ETAA1: variants seen among roughly 807,000 people sequenced by gnomAD.
ETAA1 encodes ETAA1 activator of ATR kinase.
ETAA1 carries 49 observed loss-of-function variants against 76.8 expected under a neutral mutation model. The ratio of observed to expected loss-of-function variants is 0.64; its 90% CI spans 0.51 to 0.81. The LOEUF (loss-of-function observed/expected upper bound fraction) is 0.81. ETAA1 is among the 30% of genes least tolerant of loss of function. ETAA1 has a pLI of 0.00. For missense variants in ETAA1, 1,099 were observed against 1,074.0 expected (o/e 1.02, Z -0.32); for synonymous variants, 373 against 372.2 (o/e 1.00, Z -0.03).
Position 67,397,679 on chromosome 2 carries a change from G to A in ETAA1, c.223+8G>A. The A allele has an allele frequency of 6.5e-7, 1 of 1,545,444 alleles. No homozygotes were observed. On this transcript the variant is annotated splice_region_variant and intron_variant, in intron 1 of 5. Transcript: ENST00000272342. ...GTAAAAGTAACCCCGAGGGTGAGACGTCGGCAGCGCGGCCTGCCTTGGCTT... is the reference window on the plus strand; with the variant it reads ...GTAAAAGTAACCCCGAGGGTGAGACATCGGCAGCGCGGCCTGCCTTGGCTT...
Position 67,399,524 on chromosome 2 carries a change from T to G in ETAA1, c.353-26T>G, listed in dbSNP as rs1675994369. On this transcript the variant is annotated intron_variant, in intron 2 of 5. Coordinates refer to ENST00000272342, the MANE Select transcript of ETAA1 (RefSeq NM_019002.4). ...AAATGGAGGGTTTTTTGTTTAAAATTTATAGAAATGTCTTTGTTTCTTTAG... is the reference window on the plus strand; with the variant it reads ...AAATGGAGGGTTTTTTGTTTAAAATGTATAGAAATGTCTTTGTTTCTTTAG... 6.5e-7 allele frequency: 1 copy of G among 1,537,416 alleles called. No individual in the cohort carries two copies. The highest frequency in any genetic ancestry group is 1.2e-5 in the South Asian group (1 of 85,042).
Position 67,403,803 on chromosome 2 carries a change from T to C in ETAA1, c.1121T>C (p.Phe374Ser). The change falls in exon 5 of 6, where the codon TTT becomes TCT. Residue 374 changes from phenylalanine to serine, a missense_variant. Coordinates refer to ENST00000272342, the MANE Select transcript of ETAA1 (RefSeq NM_019002.4). ...ACTTCTAATAAGTACATTGATGCATTTACTACAAGTGATTTTGAGGATGAT... is the reference window on the plus strand; with the variant it reads ...ACTTCTAATAAGTACATTGATGCATCTACTACAAGTGATTTTGAGGATGAT... Reference protein sequence around the residue: ...PETSNKYIDAFTTSDFEDDWE... With the variant: ...PETSNKYIDASTTSDFEDDWE... The C allele has an allele frequency of 6.2e-7, 1 of 1,613,314 alleles. No homozygotes were observed. Among genetic ancestry groups the C allele is most frequent in the Non-Finnish European group, 8.5e-7 (1 of 1,179,460 alleles).
chr2:67,399,118 A>T, intron 1 of ETAA1, 51 bp from the exon 2 acceptor site: 1 of 1,543,852 alleles, frequency 6.5e-7, no homozygotes, highest in Non-Finnish European at 8.8e-7. Flanking sequence ...TTACGAAGTA[A>T]GGTAATGCTT....
In ETAA1 at chr2:67,404,691, A is replaced by G. The variant is rs751231252; in HGVS notation, c.2009A>G (p.Asn670Ser). 3.7e-6 allele frequency: 6 copies of G among 1,613,264 alleles called. No individual in the cohort carries two copies. The East Asian group carries it at 1.3e-4, about 36-fold the overall frequency. The change falls in exon 5 of 6, where the codon AAT becomes AGT. Residue 670 changes from asparagine (N) to serine (S), a missense_variant. Coordinates refer to ENST00000272342, the MANE Select transcript of ETAA1 (RefSeq NM_019002.4). ...TCAGAAAGTATATGTGAGATCAATA[A>G]TAATTCCGAACATGGAGCCAAAAAC... ...KTSESICEINNNSEHGAKNMF... is the reference protein window; with the variant it reads ...KTSESICEINSNSEHGAKNMF...
Position 67,404,193 on chromosome 2 carries a change from C to T in ETAA1, c.1511C>T (p.Thr504Ile). The change falls in exon 5 of 6, where the codon ACA becomes ATA. Residue 504 changes from threonine to isoleucine, a missense_variant. Coordinates refer to ENST00000272342, the MANE Select transcript of ETAA1 (RefSeq NM_019002.4). ...IQNCIVTSNL[T>I]KIKEDILTNS... Reference sequence around the variant, plus strand: ...AATTGTATAGTTACATCTAATCTGACAAAAATAAAGGAAGATATTCTTACT... The same window carrying T: ...AATTGTATAGTTACATCTAATCTGATAAAAATAAAGGAAGATATTCTTACT... 1 of 1,609,748 alleles carries T rather than the reference C, an allele frequency of 6.2e-7. No individual in the cohort carries two copies. Among genetic ancestry groups the T allele is most frequent in the Non-Finnish European group, 8.5e-7 (1 of 1,178,180 alleles).
At chr2:67,400,772 TGAA>T (rs1484919595) in intron 3 of ETAA1, 1 of 152,152 alleles carries the variant, frequency 6.6e-6, no homozygotes, top group Non-Finnish European at 1.5e-5. Flanking sequence ...AAACATGGTT[TGAA>T]GAATTACTGT....
At chr2:67,408,204 C>CA (rs1676269916) in intron 5 of ETAA1, among the ~76,000 whole-genome samples, 1 of 152,090 alleles carries the variant, frequency 6.6e-6, no homozygotes. Context: ...AAACAAAACT[C>CA]ACTTAACTCC....
Position 67,409,967 on chromosome 2 carries a change from G to C in ETAA1, c.2710G>C (p.Glu904Gln). 6.2e-7 allele frequency: 1 copy of C among 1,608,870 alleles called. No individual in the cohort carries two copies. The highest frequency in any genetic ancestry group is 8.5e-7 in the Non-Finnish European group (1 of 1,177,998). Residue 904 changes from glutamate (E) to glutamine (Q), a missense_variant, in exon 6 of 6, where the codon GAA becomes CAA. Coordinates refer to ENST00000272342, the MANE Select transcript of ETAA1 (RefSeq NM_019002.4). ...SPEEIQRKRQEALVRRMAKAR... is the reference protein window; with the variant it reads ...SPEEIQRKRQQALVRRMAKAR... ...TGAAGAAATTCAGAGAAAAAGACAA[G>C]AAGCACTGGTTCGGAGAATGGCTAA... is the stretch of plus-strand genomic sequence containing the variant.
At position 67,404,821 on chromosome 2, in the gene ETAA1, T is replaced by A; in HGVS notation, c.2139T>A (p.Asp713Glu). The A allele has an allele frequency of 6.2e-7, 1 of 1,613,390 alleles. No individual in the cohort carries two copies. The highest frequency in any genetic ancestry group is 1.1e-5 in the South Asian group (1 of 91,062). The change falls in exon 5 of 6, where the codon GAT (aspartate) becomes GAA (glutamate). Residue 713 changes from aspartate (D) to glutamate (E), a missense_variant. Physicochemically the swap from Asp to Glu is conservative, Grantham distance 45. This residue lies in a region of ETAA1 where 302 missense variants were observed against 278.1 expected (regional missense o/e 1.09). Transcript: ENST00000272342. Reference protein sequence around the residue: ...QTSLTNSSQIDKPMKMEKGEM... With the variant: ...QTSLTNSSQIEKPMKMEKGEM... ...CTTTGACAAATAGCTCACAAATAGA[T>A]AAGCCAATGAAGATGGAGAAAGGGG...
chr2:67,404,853 A>G lies in ETAA1; in HGVS notation c.2171A>G (p.Tyr724Cys), dbSNP rs775404204. 6.2e-7 allele frequency: 1 copy of G among 1,612,966 alleles called. No homozygotes were observed. The highest frequency in any genetic ancestry group is 2.2e-5 in the East Asian group (1 of 44,834). Residue 724 changes from tyrosine to cysteine, a missense_variant, in exon 5 of 6, where the codon TAT (tyrosine) becomes TGT (cysteine). This residue lies in a region of ETAA1 where 302 missense variants were observed against 278.1 expected (regional missense o/e 1.09). Transcript: ENST00000272342. Reference protein sequence around the residue: ...KPMKMEKGEMYGNSPRFLGAT... With the variant: ...KPMKMEKGEMCGNSPRFLGAT... The stretch of plus-strand genomic sequence containing the variant: ...ATGAAGATGGAGAAAGGGGAAATGT[A>G]TGGAAATTCTCCAAGATTTTTAGGT...
chr2:67,404,199 T>C lies in ETAA1; in HGVS notation c.1517T>C (p.Ile506Thr), dbSNP rs750975927. 7 of 1,610,518 alleles carry C rather than the reference T, an allele frequency of 4.3e-6. No individual in the cohort carries two copies. Among genetic ancestry groups the C allele is most frequent in the Admixed American group, 3.4e-5 (2 of 59,216 alleles). Residue 506 changes from isoleucine to threonine, a missense_variant, in exon 5 of 6, where the codon ATA becomes ACA. Coordinates refer to ENST00000272342, the MANE Select transcript of ETAA1 (RefSeq NM_019002.4). ...ATAGTTACATCTAATCTGACAAAAA[T>C]AAAGGAAGATATTCTTACTAACTCT... Reference protein sequence around the residue: ...NCIVTSNLTKIKEDILTNSTE... With the variant: ...NCIVTSNLTKTKEDILTNSTE...
Position 67,409,595 on chromosome 2 carries a change from C to T in ETAA1, c.2654-316C>T, listed in dbSNP as rs115194886. ...TATCCTTTTTAAAGATATATTTATTCGTGGGTCATATAAATTAGATGTCAT... is the reference window on the plus strand; with the variant it reads ...TATCCTTTTTAAAGATATATTTATTTGTGGGTCATATAAATTAGATGTCAT... On this transcript the variant is annotated intron_variant, in intron 5 of 5. Transcript: ENST00000272342. 4.3e-3 allele frequency among the ~76,000 whole-genome samples: 652 copies of T among 151,814 alleles called. 4 individuals are homozygous for T. The highest frequency in any genetic ancestry group is 0.013 in the African/African-American group (535 of 41,476).
At chr2:67,400,061 G>C (rs1486640861) in intron 3 of ETAA1, among the ~76,000 whole-genome samples, 2 of 152,070 alleles carry the variant, frequency 1.3e-5, no homozygotes, top group Non-Finnish European at 2.9e-5. Flanking sequence ...AGATTATCAA[G>C]AAACACTTAC....
At chr2:67,398,405 G>C (rs1029674331) in intron 1 of ETAA1, among the ~76,000 whole-genome samples, 7 of 149,450 alleles carry the variant, frequency 4.7e-5, no homozygotes, top group African/African-American at 1.7e-4. Flanking sequence ...GCACAATCTC[G>C]GCTCACTGCA....
chr2:67,399,490 T>G (rs996097515), intron 2 of ETAA1, 60 bp from the exon 3 acceptor site: 1 of 1,341,690 alleles, frequency 7.5e-7, no homozygotes, highest in Non-Finnish European at 1.1e-6. Context: ...AAGTGACAGC[T>G]GTTTTTTAAA....
At chr2:67,397,763 C>A in intron 1 of ETAA1, 92 bp downstream of exon 1, 1 of 1,270,908 alleles carries the variant, frequency 7.9e-7, no homozygotes. Flanking sequence ...GGGGTGGAGT[C>A]TGGAGCGTGT....
At chr2:67,398,047 C>G (rs1020402649) in intron 1 of ETAA1, among the ~76,000 whole-genome samples, 3 of 152,072 alleles carry the variant, frequency 2.0e-5, no homozygotes, top group African/African-American at 4.8e-5. Context: ...CTCTTTAAAC[C>G]CTTTTTTTCC....
In ETAA1 at chr2:67,397,569, C is replaced by T. The variant is rs1246351591; in HGVS notation, c.121C>T (p.Arg41Cys). Residue 41 changes from arginine (R) to cysteine (C), a missense_variant, in exon 1 of 6, where the codon CGC (arginine) becomes TGC (cysteine). By Grantham distance (180) the Arg-to-Cys change is radical. Transcript: ENST00000272342. ...AGGGAGGAGGCGGCTGAGATCGGCCCGCGGTTCGTGGCCCTGCGGGGCTAG... is the reference window on the plus strand; with the variant it reads ...AGGGAGGAGGCGGCTGAGATCGGCCTGCGGTTCGTGGCCCTGCGGGGCTAG... ...EPGRRRLRSA[R>C]GSWPCGAREG... is the part of the protein sequence containing the mutation. 2.6e-6 allele frequency: 4 copies of T among 1,565,612 alleles called. No individual in the cohort carries two copies. Among genetic ancestry groups the T allele is most frequent in the Non-Finnish European group, 1.7e-6 (2 of 1,155,658 alleles).
chr2:67,399,365 C>A, intron 2 of ETAA1, 68 bp downstream of exon 2: 2 of 1,433,852 alleles, frequency 1.4e-6, no homozygotes, highest in South Asian at 2.5e-5. Context: ...AACTAGAATT[C>A]TAGTCAGATA....
Sources: gnomAD v4.1 joint callset for allele counts (sites outside exome capture counted in the v4.1 genomes callset) on GRCh38, gnomAD v4.1.1 for gene constraint, gnomAD v4.1.1 regional missense constraint, MANE v1.5 for transcripts, NCBI Gene and HGNC (gene_info 2026-07-23, HGNC 2026-07-21) for gene names.